UBE3C: variants seen among roughly 807,000 people sequenced by gnomAD.
The protein encoded by UBE3C is ubiquitin-protein ligase E3C.
Under a neutral mutation model 129.4 loss-of-function variants are expected in UBE3C, and 42 were observed. That is an observed-to-expected ratio of 0.32 (90% CI 0.25 to 0.42). The LOEUF (loss-of-function observed/expected upper bound fraction) is 0.42, where lower values mean the gene tolerates loss of function less well. Ranked by LOEUF, UBE3C falls within the 10% of genes least tolerant of loss-of-function variation. The pLI is 1.00. For missense variants in UBE3C, 1,049 were observed against 1,319.1 expected (o/e 0.80, Z 3.17); for synonymous variants, 510 against 492.4 (o/e 1.04, Z -0.47).
intron 2 of UBE3C, among the ~76,000 whole-genome samples, 157 bp from the exon 3 acceptor site, chr7:157,168,891 T>C (rs1431080606): frequency 6.6e-6 from 1 of 152,220 alleles, no homozygotes; most frequent in East Asian, 1.9e-4. Context: ...GCTCTTAATA[T>C]ATTAAATGCA....
chr7:157,241,902 A>T (rs1796339500), intron 18 of UBE3C, among the ~76,000 whole-genome samples: 1 of 152,216 alleles, frequency 6.6e-6, no homozygotes, highest in Admixed American at 6.5e-5. Flanking sequence ...GTGAGAGCAG[A>T]TGCAGAGATC....
At chr7:157,220,945 A>T in intron 15 of UBE3C, 169 bp downstream of exon 15, 1 of 686,616 alleles carries the variant, frequency 1.5e-6, no homozygotes, top group South Asian at 2.0e-5. Context: ...CTCTAGCTCC[A>T]TTGCGGCCAC....
At chr7:157,147,864 C>T (rs148245030) in intron 1 of UBE3C, among the ~76,000 whole-genome samples, 15 of 152,238 alleles carry the variant, frequency 9.9e-5, no homozygotes, top group African/African-American at 3.1e-4. Context: ...ATATTGAGCC[C>T]GTCTTGCGTA....
intron 1 of UBE3C, among the ~76,000 whole-genome samples, chr7:157,153,702 T>A (rs35137829): frequency 0.28 from 42,194 of 151,992 alleles, 8,379 homozygotes; most frequent in African/African-American, 0.57. Flanking sequence ...TCAGTGGCCT[T>A]TTTAAAAAGT....
chr7:157,231,082 C>G lies in UBE3C; in HGVS notation c.2236C>G (p.Pro746Ala). 1 of 1,611,724 alleles carries G rather than the reference C, an allele frequency of 6.2e-7. No individual in the cohort carries two copies. The highest frequency in any genetic ancestry group is 8.5e-7 in the Non-Finnish European group (1 of 1,179,328). The change falls in exon 18 of 23, where the codon CCT (proline) becomes GCT (alanine). Residue 746 changes from proline (P) to alanine (A), a missense_variant and splice_region_variant. Coordinates refer to ENST00000348165, the MANE Select transcript of UBE3C (RefSeq NM_014671.3). ...ACCCTCCCATTTTTTTTTAACAGAG[C>G]CTGATTTGAAAAAGCGGATCCGTGT... The part of the protein sequence containing the change: ...AYDKLSPENE[P>A]DLKKRIRVHL...
intron 1 of UBE3C, among the ~76,000 whole-genome samples, chr7:157,158,004 AG>A: frequency 6.7e-6 from 1 of 148,554 alleles, no homozygotes; most frequent in African/African-American, 2.5e-5. Flanking sequence ...AGAGAGAGAG[AG>A]ATACATATAA....
chr7:157,211,612 A>G (rs1809598339), intron 13 of UBE3C, among the ~76,000 whole-genome samples: 1 of 152,108 alleles, frequency 6.6e-6, no homozygotes, highest in Non-Finnish European at 1.5e-5. Flanking sequence ...CGTTCCAGTA[A>G]TGGAACACTA....
intron 13 of UBE3C, among the ~76,000 whole-genome samples, chr7:157,214,235 A>AT (rs1227209472): frequency 1.3e-5 from 2 of 152,120 alleles, no homozygotes; most frequent in Middle Eastern, 3.2e-3. Flanking sequence ...CTATATTGAA[A>AT]TTTTTTTAAC....
At chr7:157,168,183 C>G (rs577494107) in intron 2 of UBE3C, among the ~76,000 whole-genome samples, 17 of 151,932 alleles carry the variant, frequency 1.1e-4, no homozygotes, top group Non-Finnish European at 1.8e-4. Flanking sequence ...AACCCCGTCT[C>G]TACTAAATAT....
intron 14 of UBE3C, among the ~76,000 whole-genome samples, chr7:157,219,859 A>G (rs1795689721): frequency 6.6e-6 from 1 of 151,840 alleles, no homozygotes; most frequent in Non-Finnish European, 1.5e-5. Flanking sequence ...AGATCAGGCC[A>G]CTGCACTTTA....
chr7:157,181,991 C>A, intron 7 of UBE3C, 117 bp from the exon 8 acceptor site: 1 of 1,107,038 alleles, frequency 9.0e-7, no homozygotes, highest in Non-Finnish European at 1.2e-6. Flanking sequence ...GTTAACTTGG[C>A]TAATTTAGAA....
chr7:157,149,105 G>A (rs1272115161), intron 1 of UBE3C, among the ~76,000 whole-genome samples: 3 of 151,964 alleles, frequency 2.0e-5, no homozygotes, highest in Non-Finnish European at 4.4e-5. Context: ...CGCCCAGGCT[G>A]GAGTGCAATG....
At chr7:157,141,845 C>T (rs1027154599) in intron 1 of UBE3C, among the ~76,000 whole-genome samples, 8 of 152,306 alleles carry the variant, frequency 5.3e-5, no homozygotes, top group African/African-American at 1.7e-4. Context: ...CCTCGGTGCA[C>T]GGCATTGCCC....
chr7:157,199,810 A>G (rs13242040), intron 10 of UBE3C, among the ~76,000 whole-genome samples: 8,775 of 152,304 alleles, frequency 0.058, 274 homozygotes, highest in South Asian at 0.077. Flanking sequence ...TTGCTCGAAC[A>G]TTAATGACAG....
In UBE3C at chr7:157,265,196, T is replaced by C. The variant is rs373266605; in HGVS notation, c.3082-2389T>C. 3.9e-5 allele frequency among the ~76,000 whole-genome samples: 6 copies of C among 152,198 alleles called. No individual in the cohort carries two copies. In the East Asian group the frequency reaches 7.7e-4, roughly 20 times the overall value. On this transcript the variant is annotated intron_variant, in intron 22 of 22. Coordinates refer to ENST00000348165, the MANE Select transcript of UBE3C (RefSeq NM_014671.3). Reference sequence around the variant, plus strand: ...TGCCAGGCCCACCTCTCAGAGAGTTTCGTGTACACGTGTGCAGGGAAGGGC... The same window carrying C: ...TGCCAGGCCCACCTCTCAGAGAGTTCCGTGTACACGTGTGCAGGGAAGGGC...
intron 18 of UBE3C, among the ~76,000 whole-genome samples, chr7:157,234,383 C>T (rs1264886997): frequency 6.6e-6 from 1 of 152,194 alleles, no homozygotes; most frequent in Non-Finnish European, 1.5e-5. Context: ...ATATTCTTGG[C>T]ACCCTTGTTG....
intron 11 of UBE3C, among the ~76,000 whole-genome samples, chr7:157,205,139 GT>G (rs780783188): frequency 6.6e-6 from 1 of 152,216 alleles, no homozygotes; most frequent in Non-Finnish European, 1.5e-5. Flanking sequence ...TTGAGTCAGT[GT>G]TTATAGCAGA....
At chr7:157,166,940 T>TA in intron 2 of UBE3C, among the ~76,000 whole-genome samples, 1 of 140,950 alleles carries the variant, frequency 7.1e-6, no homozygotes, top group East Asian at 2.1e-4. Context: ...GTGGTGGTGG[T>TA]GGTTTTTGAG....
At chr7:157,198,013 A>G in intron 10 of UBE3C, 1 of 1,605,422 alleles carries the variant, frequency 6.2e-7, no homozygotes, top group Admixed American at 1.7e-5. Flanking sequence ...TCCATATCCC[A>G]ATTCACTTGG....
Sources: allele counts gnomAD v4.1 joint callset (sites outside exome capture counted in the v4.1 genomes callset), GRCh38; gene constraint gnomAD v4.1.1; transcripts MANE v1.5; gene names NCBI Gene and HGNC (gene_info 2026-07-23, HGNC 2026-07-21).